The following IMPA2 variants were observed in gnomAD, a reference collection of about 807,000 sequenced individuals.
The protein encoded by IMPA2 is inositol monophosphatase 2.
IMPA2 carries 32 observed loss-of-function variants against 35.1 expected under a neutral mutation model. The observed-to-expected ratio is 0.91, with a 90% CI of 0.69 to 1.23. The LOEUF (loss-of-function observed/expected upper bound fraction) is 1.23. Ranked by LOEUF, IMPA2 falls within the 50% of genes most tolerant of loss-of-function variation. The pLI is 0.00. For missense variants in IMPA2, 334 were observed against 387.6 expected (o/e 0.86, Z 1.16); for synonymous variants, 135 against 160.6 (o/e 0.84, Z 1.20).
At chr18:11,982,749 C>T (rs1906541117) in intron 1 of IMPA2, among the ~76,000 whole-genome samples, 1 of 150,248 alleles carries the variant, frequency 6.7e-6, no homozygotes, top group Non-Finnish European at 1.5e-5. Flanking sequence ...GCTGAGATCG[C>T]GCCATTGCAC....
intron 5 of IMPA2, chr18:12,017,489 T>C (rs1476462243): frequency 4.2e-6 from 1 of 239,366 alleles, no homozygotes; most frequent in Admixed American, 5.7e-5. Flanking sequence ...GAAAGTGGCC[T>C]CCTAAGGTCA....
intron 5 of IMPA2, chr18:12,017,998 A>G (rs2028623): frequency 0.028 from 4,582 of 164,870 alleles, 98 homozygotes; most frequent in East Asian, 0.098. Context: ...CTGGAGTGCA[A>G]TGGGGCGATC....
rs138641798 is a variant in IMPA2, at chr18:12,030,339, C to G, written c.752-4C>G. On this transcript the variant is annotated splice_polypyrimidine_tract_variant and splice_region_variant and intron_variant, in intron 7 of 7. Coordinates refer to ENST00000269159, the MANE Select transcript of IMPA2 (RefSeq NM_014214.3). ...GATGCCTGGCTCTCTCTGTCTGTCC[C>G]CAGGTGGACCCCTCGACCTCATGGC... 4.3e-3 allele frequency: 6,867 copies of G among 1,613,256 alleles called. 58 individuals are homozygous for G. The highest frequency in any genetic ancestry group is 0.02 in the Middle Eastern group (124 of 6,062).
At chr18:12,024,019 C>T (rs1351674514) in intron 5 of IMPA2, among the ~76,000 whole-genome samples, 1 of 152,102 alleles carries the variant, frequency 6.6e-6, no homozygotes, top group Non-Finnish European at 1.5e-5. Context: ...ATCAGTATGA[C>T]TGTATAAACC....
chr18:12,019,282 T>C (rs939282849), intron 5 of IMPA2, among the ~76,000 whole-genome samples: 2 of 151,910 alleles, frequency 1.3e-5, no homozygotes, highest in African/African-American at 4.8e-5. Flanking sequence ...TGAGATGGAG[T>C]CTCACTCTGT....
chr18:12,008,025 G>GA (rs1907325843), intron 2 of IMPA2, among the ~76,000 whole-genome samples: 1 of 151,582 alleles, frequency 6.6e-6, no homozygotes. Flanking sequence ...GCAGCGGTGT[G>GA]ATCTCAGCTC....
intron 2 of IMPA2, among the ~76,000 whole-genome samples, chr18:12,006,911 C>T (rs1598694625): frequency 1.3e-5 from 2 of 152,112 alleles, no homozygotes; most frequent in Non-Finnish European, 2.9e-5. Context: ...GTGGGCGTAT[C>T]ACGAGATCAG....
At chr18:12,007,676 T>TTTCTTTCTTTCTTTCC (rs1568032979) in intron 2 of IMPA2, among the ~76,000 whole-genome samples, 10 of 111,358 alleles carry the variant, frequency 9.0e-5, no homozygotes, top group South Asian at 5.5e-4. Flanking sequence ...TCTTTCTTTC[T>TTTCTTTCTTTCTTTCC]TTCCTTTCTT....
At chr18:12,023,582 G>C (rs574656615) in intron 5 of IMPA2, among the ~76,000 whole-genome samples, 1 of 152,054 alleles carries the variant, frequency 6.6e-6, no homozygotes, top group African/African-American at 2.4e-5. Flanking sequence ...CCACCCACCC[G>C]CCCTGTGCTC....
At chr18:12,025,046 TC>T (rs893806574) in intron 5 of IMPA2, among the ~76,000 whole-genome samples, 1 of 152,190 alleles carries the variant, frequency 6.6e-6, no homozygotes, top group African/African-American at 2.4e-5. Context: ...TATTCTTCCC[TC>T]CCCTGAGCCT....
At chr18:12,005,176 G>T (rs910638203) in intron 2 of IMPA2, among the ~76,000 whole-genome samples, 1 of 152,180 alleles carries the variant, frequency 6.6e-6, no homozygotes, top group Non-Finnish European at 1.5e-5. Context: ...GGGGATGCTC[G>T]TGCCACCTTG....
At chr18:12,028,787 AC>A (rs1426578089) in intron 6 of IMPA2, 54 bp from the exon 7 acceptor site, 23 of 1,572,534 alleles carry the variant, frequency 1.5e-5, no homozygotes, top group Non-Finnish European at 1.9e-5. Flanking sequence ...CGGCTTGCAC[AC>A]CACAGAAAAG....
intron 2 of IMPA2, among the ~76,000 whole-genome samples, chr18:12,002,901 AAAAT>A (rs1318562864): frequency 1.3e-5 from 2 of 152,090 alleles, no homozygotes; most frequent in Admixed American, 1.3e-4. Context: ...TCAAAACAAA[AAAAT>A]AAATAGGCTG....
At chr18:11,988,377 T>C (rs1329337854) in intron 1 of IMPA2, among the ~76,000 whole-genome samples, 1 of 152,226 alleles carries the variant, frequency 6.6e-6, no homozygotes, top group African/African-American at 2.4e-5. Context: ...AATTTATTCA[T>C]CCAACAAAGA....
intron 5 of IMPA2, among the ~76,000 whole-genome samples, chr18:12,020,485 G>A (rs1907699040): frequency 6.6e-6 from 1 of 152,176 alleles, no homozygotes; most frequent in Non-Finnish European, 1.5e-5. Flanking sequence ...GAGCCACTGT[G>A]ACTGGCCTCT....
chr18:11,993,034 G>A (rs1906859862), intron 1 of IMPA2, among the ~76,000 whole-genome samples: 1 of 152,018 alleles, frequency 6.6e-6, no homozygotes, highest in Non-Finnish European at 1.5e-5. Context: ...ACAAAAATTA[G>A]CTGAAAAAGT....
chr18:12,007,147 G>A (rs768427341), intron 2 of IMPA2, among the ~76,000 whole-genome samples: 1 of 151,980 alleles, frequency 6.6e-6, no homozygotes, highest in Non-Finnish European at 1.5e-5. Flanking sequence ...AAGTGACATC[G>A]AATACCATGA....
chr18:12,009,033 C>T (rs1907359211), intron 2 of IMPA2, among the ~76,000 whole-genome samples: 1 of 152,178 alleles, frequency 6.6e-6, no homozygotes, highest in African/African-American at 2.4e-5. Flanking sequence ...CAGCCTCTCT[C>T]CTTCCTGCAG....
At chr18:12,026,631 C>A (rs1176011575) in intron 5 of IMPA2, among the ~76,000 whole-genome samples, 1 of 152,158 alleles carries the variant, frequency 6.6e-6, no homozygotes, top group African/African-American at 2.4e-5. Context: ...TCCCCACCCC[C>A]ACCCCGGAAA....
Sources: allele counts gnomAD v4.1 joint callset (sites outside exome capture counted in the v4.1 genomes callset), GRCh38; gene constraint gnomAD v4.1.1; transcripts MANE v1.5; gene names NCBI Gene and HGNC (gene_info 2026-07-23, HGNC 2026-07-21).